MINDY2: variants seen among roughly 807,000 people sequenced by gnomAD.
The protein encoded by MINDY2 is MINDY lysine 48 deubiquitinase 2.
In MINDY2, 52 loss-of-function variants were observed where a neutral mutation model predicts 68.2. That is an observed-to-expected ratio of 0.76 (90% CI 0.61 to 0.96). MINDY2 has a LOEUF of 0.96. MINDY2 is among the 40% of genes least tolerant of loss of function. MINDY2 has a pLI of 0.00. For missense variants in MINDY2, 881 were observed against 773.4 expected, an observed-to-expected ratio of 1.14 and a Z score of -1.65; for synonymous variants, 372 against 303.0, an observed-to-expected ratio of 1.23 and a Z score of -2.36.
chr15:58,831,041 G>GTATATATATATATATATATATATATATA lies in MINDY2; in HGVS notation c.1226-714_1226-713insATATATATATATATATATATATATATAT, dbSNP rs61211927. Among the ~76,000 whole-genome samples the GTATATATATATATATATATATATATATA allele has an allele frequency of 2.0e-3, 250 of 124,794 alleles. 2 individuals are homozygous for GTATATATATATATATATATATATATATA. The highest frequency in any genetic ancestry group is 4.2e-3 in the Middle Eastern group (1 of 238). The allele number at this position is 124,794 out of a possible 152,430, so 81.9% of individuals were successfully genotyped here. ...TGTGTGTGTGTGTGTGTGTGTGTGTGTATATATATATATATATATGTTTTA... is the reference window on the plus strand; with the variant it reads ...TGTGTGTGTGTGTGTGTGTGTGTGTGTATATATATATATATATATATATATATATATATATATATATATATATGTTTTA... On this transcript the variant is annotated intron_variant, in intron 5 of 8. Coordinates refer to ENST00000559228, the MANE Select transcript of MINDY2 (RefSeq NM_001040450.3).
intron 3 of MINDY2, 29 bp from the exon 4 acceptor site, chr15:58,810,201 A>G: frequency 6.4e-7 from 1 of 1,573,870 alleles, no homozygotes; most frequent in Non-Finnish European, 8.6e-7. Context: ...ATGTTTCTGA[A>G]TTAGAACTTT....
intron 4 of MINDY2, among the ~76,000 whole-genome samples, chr15:58,820,819 A>C (rs1259737857): frequency 1.3e-5 from 2 of 152,150 alleles, no homozygotes; most frequent in Non-Finnish European, 2.9e-5. Flanking sequence ...TAAGTCTTCA[A>C]GGTGATCATT....
rs1221322076 is a variant in MINDY2, at chr15:58,854,426, T to C, written c.1738-56T>C. 4.5e-6 allele frequency: 7 copies of C among 1,566,568 alleles called. No individual in the cohort carries two copies. The African/African-American group carries it at 8.3e-5, about 18-fold the overall frequency. The stretch of plus-strand genomic sequence containing the variant: ...TACAGTTTTCCTTTCTAGATAACCA[T>C]GAGTAAGTCCCTCAGAATAGTTAGA... On this transcript the variant is annotated intron_variant, in intron 8 of 8. Transcript: ENST00000559228.
At chr15:58,789,608 C>G (rs775469664) in intron 2 of MINDY2, among the ~76,000 whole-genome samples, 7 of 151,962 alleles carry the variant, frequency 4.6e-5, no homozygotes, top group Non-Finnish European at 7.4e-5. Context: ...CACGCACATG[C>G]TACCACACCC....
rs183406554 is a variant in MINDY2 at position 58,853,153 on chromosome 15, A to G, written c.1737+1188A>G. Among the ~76,000 whole-genome samples, 80 of 151,460 alleles carry G rather than the reference A, an allele frequency of 5.3e-4. 3 individuals are homozygous for G. Among genetic ancestry groups the G allele is most frequent in the Admixed American group, 4.5e-3 (69 of 15,178 alleles). Reference sequence around the variant, plus strand: ...TTTTTAGTAGAGATGAGGTTTTACCATATTGGCCAGGCTGGTGTCAAACTC... The same window carrying G: ...TTTTTAGTAGAGATGAGGTTTTACCGTATTGGCCAGGCTGGTGTCAAACTC... On this transcript the variant is annotated intron_variant, in intron 8 of 8. Transcript: ENST00000559228.
chr15:58,788,065 A>G, intron 2 of MINDY2, 102 bp downstream of exon 2: 2 of 715,068 alleles, frequency 2.8e-6, no homozygotes, highest in Non-Finnish European at 2.2e-6. Flanking sequence ...TATATAATCT[A>G]TTTTAAAATT....
At position 58,821,797 on chromosome 15, in the gene MINDY2, C is replaced by T. The variant is rs754391768; in HGVS notation, c.1203C>T (p.Asp401=). 2.5e-6 allele frequency: 4 copies of T among 1,589,470 alleles called. No individual in the cohort carries two copies. The South Asian group carries it at 4.7e-5, about 19-fold the overall frequency. The change falls in exon 5 of 9, where the codon GAC becomes GAT. Residue 401 remains aspartate, a synonymous_variant. Coordinates refer to ENST00000559228, the MANE Select transcript of MINDY2 (RefSeq NM_001040450.3). ...VEKIISCKQS[D]NSELVSEGFV... is the part of the protein sequence containing the mutation. ...AGATCATCTCTTGTAAACAGTCAGA[C>T]AATAGTGAGCTGGTTAGTGAAGGTG...
chr15:58,818,155 T>C (rs1469544975), intron 4 of MINDY2, among the ~76,000 whole-genome samples: 1 of 152,204 alleles, frequency 6.6e-6, no homozygotes, highest in Non-Finnish European at 1.5e-5. Context: ...ATATAAGCTT[T>C]ATGAAAGCAT....
chr15:58,859,685 T>C lies in MINDY2; in HGVS notation c.*5075T>C, dbSNP rs79198733. Reference sequence around the variant, plus strand: ...GCATGGGAGAGGCCAGATGCAGGACTCTGGTAAATTTAACTTACTTTGAAT... The same window carrying C: ...GCATGGGAGAGGCCAGATGCAGGACCCTGGTAAATTTAACTTACTTTGAAT... On this transcript the variant is annotated 3_prime_UTR_variant, in exon 9 of 9. Transcript: ENST00000559228. 4 of 152,268 alleles carry C rather than the reference T, an allele frequency of 2.6e-5. No individual in the cohort carries two copies. The East Asian group carries it at 7.7e-4, about 29-fold the overall frequency. The allele number at this position is 152,268 out of a possible 1,614,324, so 9.4% of individuals were successfully genotyped here. A position where few individuals can be genotyped will look rare whatever the true frequency, so the allele number is the denominator to read the frequency against.
chr15:58,788,508 A>C (rs2140920528), intron 2 of MINDY2, among the ~76,000 whole-genome samples: 1 of 152,354 alleles, frequency 6.6e-6, no homozygotes, highest in South Asian at 2.1e-4. Context: ...GTAATGTATT[A>C]AATTGCATTC....
At chr15:58,796,905 T>C (rs1902321869) in intron 2 of MINDY2, among the ~76,000 whole-genome samples, 1 of 152,168 alleles carries the variant, frequency 6.6e-6, no homozygotes, top group African/African-American at 2.4e-5. Flanking sequence ...TCCATATCCA[T>C]CCACTCTCCA....
chr15:58,796,614 C>T (rs1368702136), intron 2 of MINDY2, among the ~76,000 whole-genome samples: 1 of 152,194 alleles, frequency 6.6e-6, no homozygotes, highest in Non-Finnish European at 1.5e-5. Context: ...ACCTCTGCCT[C>T]CCAGGTTCAA....
chr15:58,778,505 A>G (rs1456493822), intron 1 of MINDY2, among the ~76,000 whole-genome samples: 1 of 151,712 alleles, frequency 6.6e-6, no homozygotes, highest in Non-Finnish European at 1.5e-5. Context: ...GATTCTGTAA[A>G]ATAAAAAAAA....
At chr15:58,842,012 T>C (rs1334899033) in intron 6 of MINDY2, among the ~76,000 whole-genome samples, 1 of 152,000 alleles carries the variant, frequency 6.6e-6, no homozygotes, top group Non-Finnish European at 1.5e-5. Context: ...TTCACCACCC[T>C]CTGATAACTT....
rs534742648 is a variant in MINDY2 at position 58,802,938 on chromosome 15, A to G, written c.963+561A>G. On this transcript the variant is annotated intron_variant, in intron 3 of 8. Coordinates refer to ENST00000559228, the MANE Select transcript of MINDY2 (RefSeq NM_001040450.3). ...CAAGCGGAGCTTCATTTTCTTCAGT[A>G]TTCTTCCTTTACTTGGTAATAGAAG... Among the ~76,000 whole-genome samples, 6 of 152,316 alleles carry G rather than the reference A, an allele frequency of 3.9e-5. No homozygotes were observed. In the South Asian group the frequency reaches 1.2e-3, roughly 32 times the overall value.
intron 6 of MINDY2, among the ~76,000 whole-genome samples, chr15:58,835,573 A>C (rs1323123308): frequency 6.6e-6 from 1 of 152,182 alleles, no homozygotes; most frequent in African/African-American, 2.4e-5. Context: ...GAATCGCCAG[A>C]ACCTGGGAGG....
At chr15:58,797,648 C>T (rs1253687845) in intron 2 of MINDY2, among the ~76,000 whole-genome samples, 5 of 152,184 alleles carry the variant, frequency 3.3e-5, no homozygotes, top group Non-Finnish European at 7.3e-5. Flanking sequence ...AACTGTGCTG[C>T]CACTCCATAG....
rs535976750 is a variant in MINDY2 at position 58,841,366 on chromosome 15, G to A, written c.1369-5931G>A. Among the ~76,000 whole-genome samples the A allele has an allele frequency of 1.7e-4, 26 of 150,784 alleles. 2 individuals carry two copies. The South Asian group carries it at 4.8e-3, about 28-fold the overall frequency. On this transcript the variant is annotated intron_variant, in intron 6 of 8. Transcript: ENST00000559228. ...GGCTATAATCCCAACACTTTGGAAG[G>A]TTTATGATTCTATGAAGATAATACG...
chr15:58,797,944 G>T (rs1902392295), intron 2 of MINDY2, among the ~76,000 whole-genome samples: 1 of 152,184 alleles, frequency 6.6e-6, no homozygotes, highest in African/African-American at 2.4e-5. Context: ...TTTTACAGAA[G>T]AGGAAACCAA....
Sources: gnomAD v4.1 joint callset for allele counts (sites outside exome capture counted in the v4.1 genomes callset) on GRCh38, gnomAD v4.1.1 for gene constraint, MANE v1.5 for transcripts, NCBI Gene and HGNC (gene_info 2026-07-23, HGNC 2026-07-21) for gene names.